The following FAM53A variants were observed in gnomAD, a reference collection of about 807,000 sequenced individuals.
FAM53A encodes the protein family with sequence similarity 53 member A.
A neutral mutation model predicts 26.6 loss-of-function variants in FAM53A; 28 were observed. That is an observed-to-expected ratio of 1.05 (90% CI 0.78 to 1.45). The LOEUF (loss-of-function observed/expected upper bound fraction) is 1.45. Among genes scored for constraint, FAM53A ranks in the 40% most tolerant of loss-of-function variants. The probability of loss-of-function intolerance (pLI) is 0.00; values close to 1 mark genes in which losing one functional copy is unlikely to be tolerated. For synonymous variants in FAM53A, 290 were observed against 253.1 expected, an observed-to-expected ratio of 1.15 and a Z score of -1.38; for missense variants, 650 against 575.8, an observed-to-expected ratio of 1.13 and a Z score of -1.32.
the FAM53A span, among the ~76,000 whole-genome samples, chr4:1,608,019 G>A: frequency 1.3e-5 from 2 of 151,992 alleles, 1 homozygote; most frequent in East Asian, 3.9e-4. Context: ...GGCTGAGGCA[G>A]GAGAATCACT....
the FAM53A span, among the ~76,000 whole-genome samples, chr4:1,603,216 C>T: frequency 1.3e-5 from 2 of 152,134 alleles, no homozygotes; most frequent in Non-Finnish European, 2.9e-5. Flanking sequence ...AGCCTGCAGG[C>T]GTGGGGCCAC....
chr4:1,651,211 A>C (rs1413031585), intron 4 of FAM53A, among the ~76,000 whole-genome samples: 1 of 135,404 alleles, frequency 7.4e-6, no homozygotes, highest in African/African-American at 2.8e-5. Flanking sequence ...GGACAGAGCG[A>C]GACTCCATCT....
chr4:1,631,456 G>T (rs74831391), intron 1 of FAM53A, among the ~76,000 whole-genome samples: 1 of 152,300 alleles, frequency 6.6e-6, no homozygotes, highest in Non-Finnish European at 1.5e-5. Context: ...CTCCTGTGCC[G>T]GGCATTACGG....
At chr4:1,579,190 C>T in the FAM53A span, among the ~76,000 whole-genome samples, 1 of 149,918 alleles carries the variant, frequency 6.7e-6, no homozygotes, top group Non-Finnish European at 1.5e-5. Context: ...CCTGCCCTCC[C>T]TGCCCTGGCG....
the FAM53A span, among the ~76,000 whole-genome samples, chr4:1,603,902 C>T: frequency 2.6e-5 from 4 of 152,170 alleles, no homozygotes; most frequent in Admixed American, 2.0e-4. Context: ...TGACATTGGC[C>T]GGTGTCAGTT....
chr4:1,682,743 CCTCACTATAGAGCAACTACCTCTATAACT>C (rs1361783767), intron 1 of FAM53A, among the ~76,000 whole-genome samples: 14 of 150,942 alleles, frequency 9.3e-5, no homozygotes, highest in African/African-American at 3.5e-4. Flanking sequence ...ACTAGAAAGG[CCTCACTATAGAGCAACTACCTCTATAACT>C]AGAAATGCAT....
intron 1 of FAM53A, among the ~76,000 whole-genome samples, chr4:1,626,679 G>A (rs976352625): frequency 2.2e-4 from 33 of 151,890 alleles, no homozygotes; most frequent in African/African-American, 8.0e-4. Flanking sequence ...GGGGACCCGG[G>A]GAGGACCCGG....
At chr4:1,643,056 C>A (rs1052004617) in intron 4 of FAM53A, among the ~76,000 whole-genome samples, 3 of 152,222 alleles carry the variant, frequency 2.0e-5, no homozygotes, top group African/African-American at 7.2e-5. Flanking sequence ...AAGGAAACAC[C>A]CCACAGACGG....
the FAM53A span, among the ~76,000 whole-genome samples, chr4:1,608,894 G>A: frequency 6.6e-6 from 1 of 152,114 alleles, no homozygotes; most frequent in African/African-American, 2.4e-5. Flanking sequence ...CTGGGCTTAC[G>A]GGACGGAGGG....
chr4:1,660,856 G>C (rs1713779414), intron 2 of FAM53A, among the ~76,000 whole-genome samples: 1 of 151,894 alleles, frequency 6.6e-6, no homozygotes, highest in South Asian at 2.1e-4. Context: ...ACTCCAGCCT[G>C]GGTGACAGAG....
the FAM53A span, among the ~76,000 whole-genome samples, chr4:1,591,128 G>C: frequency 2.0e-5 from 3 of 151,132 alleles, no homozygotes; most frequent in South Asian, 2.1e-4. Flanking sequence ...ACATTGCTTT[G>C]GGTGTACATA....
intron 1 of FAM53A, among the ~76,000 whole-genome samples, chr4:1,675,215 T>C (rs775112269): frequency 6.6e-6 from 1 of 152,162 alleles, no homozygotes; most frequent in Non-Finnish European, 1.5e-5. Flanking sequence ...GAGAGAAACC[T>C]GGCTCCCGCT....
At chr4:1,596,889 G>A in the FAM53A span, among the ~76,000 whole-genome samples, 1 of 152,194 alleles carries the variant, frequency 6.6e-6, no homozygotes, top group African/African-American at 2.4e-5. Flanking sequence ...GTGGGAGAGA[G>A]AGACAGAGGG....
intron 1 of FAM53A, among the ~76,000 whole-genome samples, chr4:1,622,757 C>G (rs1715100208): frequency 6.6e-6 from 1 of 152,190 alleles, no homozygotes; most frequent in African/African-American, 2.4e-5. Flanking sequence ...CCATCTCTGC[C>G]TCCCTCAGAC....
At chr4:1,619,272 C>T (rs980089105) in intron 1 of FAM53A, among the ~76,000 whole-genome samples, 8 of 152,314 alleles carry the variant, frequency 5.3e-5, no homozygotes, top group South Asian at 2.1e-4. Flanking sequence ...TACCACTGCC[C>T]GGGGCTGGGC....
downstream of FAM53A, among the ~76,000 whole-genome samples, chr4:1,636,526 C>T (rs376139594): frequency 3.3e-5 from 5 of 152,226 alleles, no homozygotes; most frequent in South Asian, 4.1e-4. Context: ...TCCCGCTGTA[C>T]GTGGACTCAC....
chr4:1,618,232 G>A (rs540532997), intron 1 of FAM53A: 24 of 442,702 alleles, frequency 5.4e-5, no homozygotes, highest in Non-Finnish European at 8.7e-5. Flanking sequence ...GGCCCATCAC[G>A]GCAGGGGTGC....
At chr4:1,627,131 G>A (rs929247191) in intron 1 of FAM53A, among the ~76,000 whole-genome samples, 35 of 152,148 alleles carry the variant, frequency 2.3e-4, no homozygotes, top group Admixed American at 1.9e-3. Flanking sequence ...CCAGGAAGCC[G>A]TCCAGCTTGG....
At chr4:1,619,623 G>T (rs1714941298) in intron 1 of FAM53A, among the ~76,000 whole-genome samples, 1 of 152,090 alleles carries the variant, frequency 6.6e-6, no homozygotes, top group Admixed American at 6.5e-5. Context: ...GGCCTCCCGT[G>T]ACCACCCCCG....
Sources: gnomAD v4.1 joint callset for allele counts (sites outside exome capture counted in the v4.1 genomes callset) on GRCh38, gnomAD v4.1.1 for gene constraint, MANE v1.5 for transcripts, NCBI Gene and HGNC (gene_info 2026-07-23, HGNC 2026-07-21) for gene names.